ABLIM2: variants seen among roughly 807,000 people sequenced by gnomAD.
ABLIM2 encodes the protein actin binding LIM protein family member 2, also known as actin-binding LIM protein 2.
Under a neutral mutation model 97.7 loss-of-function variants are expected in ABLIM2, and 53 were observed. That is an observed-to-expected ratio of 0.54 (90% CI 0.44 to 0.68). The LOEUF (loss-of-function observed/expected upper bound fraction) is 0.68. Ranked by LOEUF, ABLIM2 falls within the 30% of genes least tolerant of loss-of-function variation. The pLI, the probability that ABLIM2 is intolerant of heterozygous loss-of-function variation, is 0.00. For missense variants in ABLIM2, 835 were observed against 867.2 expected (o/e 0.96, Z 0.47); for synonymous variants, 361 against 345.8 (o/e 1.04, Z -0.49).
In ABLIM2 at chr4:8,149,075, C is replaced by T. The variant is rs917946770; in HGVS notation, c.10+9605G>A. On this transcript the variant is annotated intron_variant, in intron 1 of 20. Transcript: ENST00000447017. The surrounding 1 kb of genome is among the most constrained non-coding windows in gnomAD (Gnocchi z 6.4). ...TGTGAAGGGGTCTGTAGGGCTGGGG[C>T]CATCTGGAGGCTCCGGGGGAGATCC... is the stretch of plus-strand genomic sequence containing the variant. Among the ~76,000 whole-genome samples the T allele has an allele frequency of 8.5e-5, 13 of 152,136 alleles. No individual in the cohort carries two copies. The highest frequency in any genetic ancestry group is 5.2e-4 in the Admixed American group (8 of 15,270).
At chr4:7,989,168 G>A (rs1746758708) in intron 17 of ABLIM2, among the ~76,000 whole-genome samples, 2 of 138,962 alleles carry the variant, frequency 1.4e-5, no homozygotes, top group Admixed American at 8.3e-5. Context: ...TGCAACCTCT[G>A]CCTCCCAGGT....
chr4:8,051,164 C>T (rs1447230996), intron 8 of ABLIM2, among the ~76,000 whole-genome samples: 2 of 152,236 alleles, frequency 1.3e-5, no homozygotes, highest in Non-Finnish European at 1.5e-5. Context: ...CGCCAGCCAC[C>T]CCCCACCCCG....
At position 8,123,494 on chromosome 4, in the gene ABLIM2, T is replaced by G. The variant is rs1397118825; in HGVS notation, c.11-16857A>C. 6.6e-6 allele frequency among the ~76,000 whole-genome samples: 1 copy of G among 152,188 alleles called. No individual in the cohort carries two copies. Among genetic ancestry groups the G allele is most frequent in the Non-Finnish European group, 1.5e-5 (1 of 68,034 alleles). On this transcript the variant is annotated intron_variant, in intron 1 of 20. Coordinates refer to ENST00000447017, the MANE Select transcript of ABLIM2 (RefSeq NM_001130083.2). This position sits in a 1 kb window ranked among gnomAD's most constrained non-coding sequence, Gnocchi z 6.2. ...TCTCATGTTCTCCTGATCTGCTGAT[T>G]CAAGGGAGGCTGGTGTGAGGGAAGC...
chr4:8,024,075 G>A (rs896456259), intron 12 of ABLIM2, among the ~76,000 whole-genome samples: 6 of 152,200 alleles, frequency 3.9e-5, no homozygotes, highest in South Asian at 2.1e-4. Flanking sequence ...AGGAATGGCC[G>A]CTCAGCAAGA....
chr4:8,039,379 C>T (rs980796352), intron 9 of ABLIM2, among the ~76,000 whole-genome samples: 10 of 152,200 alleles, frequency 6.6e-5, no homozygotes, highest in Non-Finnish European at 1.5e-4. Context: ...AACCACCCAG[C>T]CCTGACAGCA....
rs955829618 is a variant in ABLIM2, at chr4:8,155,533, G to A, written c.10+3147C>T. 6.6e-6 allele frequency among the ~76,000 whole-genome samples: 1 copy of A among 152,188 alleles called. No homozygotes were observed. The highest frequency in any genetic ancestry group is 2.4e-5 in the African/African-American group (1 of 41,440). On this transcript the variant is annotated intron_variant, in intron 1 of 20. Transcript: ENST00000447017. This position sits in a 1 kb window ranked among gnomAD's most constrained non-coding sequence, Gnocchi z 4.2. The stretch of plus-strand genomic sequence containing the variant: ...AAGAGCAGCATGGAAACAGAAGGCT[G>A]AGCCAGCCACAAGGCCGCCCTTGGC...
At chr4:7,985,107 A>C (rs1440398615) in intron 17 of ABLIM2, among the ~76,000 whole-genome samples, 1 of 152,206 alleles carries the variant, frequency 6.6e-6, no homozygotes, top group African/African-American at 2.4e-5. Flanking sequence ...GGGACTGGCC[A>C]GCTTTCTTGC....
At chr4:8,066,801 C>A (rs1808166866) in intron 6 of ABLIM2, 1 of 151,732 alleles carries the variant, frequency 6.6e-6, no homozygotes, top group Non-Finnish European at 1.5e-5. Flanking sequence ...CTCGGGGTGA[C>A]GAAAAAGTTT....
Position 8,153,817 on chromosome 4 carries a change from C to T in ABLIM2, c.10+4863G>A, listed in dbSNP as rs139650421. Among the ~76,000 whole-genome samples the T allele has an allele frequency of 4.8e-3, 738 of 152,288 alleles. 5 individuals carry two copies. Among genetic ancestry groups the T allele is most frequent in the Middle Eastern group, 0.037 (11 of 294 alleles). ...ATGGAAAGTAAAAAGGTGCAGAAGA[C>T]GGAAAACTTTGTTCCTTCTCCCACA... is the stretch of plus-strand genomic sequence containing the variant. On this transcript the variant is annotated intron_variant, in intron 1 of 20. Transcript: ENST00000447017.
intron 12 of ABLIM2, among the ~76,000 whole-genome samples, chr4:8,024,941 T>A (rs913855962): frequency 6.6e-6 from 1 of 152,168 alleles, no homozygotes; most frequent in Non-Finnish European, 1.5e-5. Flanking sequence ...TTTCTCTTTT[T>A]TTGAGATGTA....
At chr4:8,145,368 G>C (rs1272693565) in intron 1 of ABLIM2, among the ~76,000 whole-genome samples, 1 of 152,014 alleles carries the variant, frequency 6.6e-6, no homozygotes, top group African/African-American at 2.4e-5. Flanking sequence ...ATTTTTAGTA[G>C]AGGCGGGGTT....
At chr4:8,091,438 AT>A (rs370207851) in intron 3 of ABLIM2, among the ~76,000 whole-genome samples, 20,936 of 49,986 alleles carry the variant, frequency 0.42, 5,888 homozygotes, top group Non-Finnish European at 0.53. Flanking sequence ...TATATAATTA[AT>A]TATGTATTAT....
chr4:8,134,342 G>A (rs1849872498), intron 1 of ABLIM2, among the ~76,000 whole-genome samples: 2 of 152,054 alleles, frequency 1.3e-5, no homozygotes, highest in Admixed American at 6.6e-5. Context: ...GGGAGGTGCC[G>A]CTCCTCCACC....
intron 1 of ABLIM2, among the ~76,000 whole-genome samples, chr4:8,131,980 G>GGCAGCCCGCATCCCCTGCACA (rs1337686817): frequency 8.0e-5 from 10 of 125,576 alleles, no homozygotes; most frequent in African/African-American, 2.8e-4. Context: ...TCCCCTGCAC[G>GGCAGCCCGCATCCCCTGCACA]GCAGCCCGCA....
At chr4:8,049,055 G>C (rs925474642) in intron 8 of ABLIM2, among the ~76,000 whole-genome samples, 1 of 152,190 alleles carries the variant, frequency 6.6e-6, no homozygotes, top group Non-Finnish European at 1.5e-5. Context: ...CCAGGAAGCC[G>C]CCTGTGACCA....
At position 7,966,770 on chromosome 4, in the gene ABLIM2, GC is replaced by G. The variant is rs1320640455; in HGVS notation, c.*219del. 3.6e-6 allele frequency: 2 copies of G among 556,396 alleles called. No individual in the cohort carries two copies. The highest frequency in any genetic ancestry group is 6.4e-6 in the Non-Finnish European group (2 of 311,566). 34.5% of individuals were successfully genotyped at this position (556,396 alleles called of 1,614,324 possible). On this transcript the variant is annotated 3_prime_UTR_variant, in exon 21 of 21. Coordinates refer to ENST00000447017, the MANE Select transcript of ABLIM2 (RefSeq NM_001130083.2). The stretch of plus-strand genomic sequence containing the variant: ...AGCCTCTCCCTGACACCAAGCCACA[GC>G]GGGGAAGGGTGGCGTGAAGCTAGCC...
At chr4:8,151,989 A>G (rs1158735041) in intron 1 of ABLIM2, among the ~76,000 whole-genome samples, 1 of 151,442 alleles carries the variant, frequency 6.6e-6, no homozygotes, top group African/African-American at 2.4e-5. Context: ...CTAGGCAGGA[A>G]CCCCCATAGG....
In ABLIM2 at chr4:8,091,586, TTA is replaced by T. The variant is rs1223061622; in HGVS notation, c.339-3304_339-3303del. On this transcript the variant is annotated intron_variant, in intron 3 of 20. Coordinates refer to ENST00000447017, the MANE Select transcript of ABLIM2 (RefSeq NM_001130083.2). ...ATATTATATATAATTTTATATAAAA[TTA>T]TATATATAATTATATATATTATGTA... 3.7e-4 allele frequency among the ~76,000 whole-genome samples: 11 copies of T among 29,876 alleles called. 1 individual carries two copies. Among genetic ancestry groups the T allele is most frequent in the South Asian group, 1.8e-3 (2 of 1,092 alleles). 19.6% of individuals were successfully genotyped at this position (29,876 alleles called of 152,430 possible).
rs995511239 is a variant in ABLIM2, at chr4:8,125,365, A to G, written c.11-18728T>C. Reference sequence around the variant, plus strand: ...TTTTTTGGTTTTACTGTAATTTTACATGAATAATTTTACACAAATAGAATT... The same window carrying G: ...TTTTTTGGTTTTACTGTAATTTTACGTGAATAATTTTACACAAATAGAATT... On this transcript the variant is annotated intron_variant, in intron 1 of 20. Coordinates refer to ENST00000447017, the MANE Select transcript of ABLIM2 (RefSeq NM_001130083.2). This position sits in a 1 kb window ranked among gnomAD's most constrained non-coding sequence, Gnocchi z 6.2. 1.3e-5 allele frequency among the ~76,000 whole-genome samples: 2 copies of G among 152,226 alleles called. No individual in the cohort carries two copies. The highest frequency in any genetic ancestry group is 2.9e-5 in the Non-Finnish European group (2 of 68,050).
Sources: gnomAD v4.1 joint callset for allele counts (sites outside exome capture counted in the v4.1 genomes callset) on GRCh38, gnomAD v4.1.1 for gene constraint, Gnocchi (gnomAD v3.1) non-coding constraint, MANE v1.5 for transcripts, NCBI Gene and HGNC (gene_info 2026-07-23, HGNC 2026-07-21) for gene names.